Variants in SLC30A8 observed in about 807,000 individuals in gnomAD.
SLC30A8 encodes the protein proton-coupled zinc antiporter SLC30A8.
Under a neutral mutation model 36.9 loss-of-function variants are expected in SLC30A8, and 27 were observed. That is an observed-to-expected ratio of 0.73 (90% CI 0.54 to 1.01). SLC30A8 has a LOEUF of 1.01. SLC30A8 is among the 50% of genes least tolerant of loss of function. The probability of loss-of-function intolerance (pLI) is 0.00; values close to 1 mark genes in which losing one functional copy is unlikely to be tolerated. For missense variants in SLC30A8, 439 were observed against 452.0 expected, an observed-to-expected ratio of 0.97 and a Z score of 0.26; for synonymous variants, 164 against 172.4, an observed-to-expected ratio of 0.95 and a Z score of 0.38.
intron 6 of SLC30A8, among the ~76,000 whole-genome samples, chr8:117,164,548 T>C (rs1188950154): frequency 2.0e-5 from 3 of 152,182 alleles, no homozygotes; most frequent in African/African-American, 7.2e-5. Context: ...TACTGCAGCC[T>C]GGGTGACAGA....
At chr8:117,104,550 G>A (rs13254783) in intron 2 of SLC30A8, among the ~76,000 whole-genome samples, 23,626 of 152,030 alleles carry the variant, frequency 0.16, 1,957 homozygotes, top group East Asian at 0.21. Context: ...TTTCCCTACA[G>A]TCCTCCTTCT....
intron 1 of SLC30A8, among the ~76,000 whole-genome samples, chr8:116,981,776 C>T (rs1340000022): frequency 6.6e-6 from 1 of 152,142 alleles, no homozygotes; most frequent in Non-Finnish European, 1.5e-5. Flanking sequence ...TGTAGTATTC[C>T]ATGGTGTGTA....
chr8:117,051,754 A>G (rs568075194), intron 2 of SLC30A8, among the ~76,000 whole-genome samples: 3 of 152,124 alleles, frequency 2.0e-5, no homozygotes, highest in Admixed American at 6.5e-5. Flanking sequence ...CGGAGCTTGC[A>G]GTGAGCCTAG....
chr8:117,048,254 T>C (rs1278911853), intron 2 of SLC30A8, among the ~76,000 whole-genome samples: 1 of 152,166 alleles, frequency 6.6e-6, no homozygotes, highest in East Asian at 1.9e-4. Flanking sequence ...TCATATGGCA[T>C]GTGTTCAGTG....
At chr8:117,109,574 T>C (rs146841672) in intron 2 of SLC30A8, among the ~76,000 whole-genome samples, 1 of 149,850 alleles carries the variant, frequency 6.7e-6, no homozygotes, top group African/African-American at 2.5e-5. Flanking sequence ...TCAGATTTTA[T>C]AAATTCCTAA....
chr8:117,100,011 C>T (rs1156899779), intron 2 of SLC30A8, among the ~76,000 whole-genome samples: 1 of 151,960 alleles, frequency 6.6e-6, no homozygotes, highest in Non-Finnish European at 1.5e-5. Flanking sequence ...AAGAGGTGAG[C>T]CAGATAGTCT....
chr8:117,019,730 G>T (rs1816642299), intron 1 of SLC30A8, among the ~76,000 whole-genome samples: 1 of 152,176 alleles, frequency 6.6e-6, no homozygotes, highest in African/African-American at 2.4e-5. Flanking sequence ...TCTATGAAAT[G>T]GGCTCTTGGG....
At chr8:117,015,445 A>T (rs1393766290) in intron 1 of SLC30A8, among the ~76,000 whole-genome samples, 1 of 152,052 alleles carries the variant, frequency 6.6e-6, no homozygotes, top group African/African-American at 2.4e-5. Context: ...GTGGAAAAAA[A>T]TATCTGGTTC....
At chr8:117,168,603 G>A (rs188651028) in intron 6 of SLC30A8, among the ~76,000 whole-genome samples, 1 of 152,168 alleles carries the variant, frequency 6.6e-6, no homozygotes, top group Admixed American at 6.6e-5. Context: ...AATAAGTCAT[G>A]GTGGACCTAT....
intron 2 of SLC30A8, among the ~76,000 whole-genome samples, chr8:117,045,611 C>G: frequency 6.6e-6 from 1 of 152,122 alleles, no homozygotes; most frequent in Non-Finnish European, 1.5e-5. Context: ...CACGGGCTCC[C>G]ACTCCCATAT....
At chr8:117,108,315 T>C (rs1243849118) in intron 2 of SLC30A8, among the ~76,000 whole-genome samples, 1 of 152,172 alleles carries the variant, frequency 6.6e-6, no homozygotes, top group African/African-American at 2.4e-5. Flanking sequence ...CAAATGCCCC[T>C]ACATGACAAG....
chr8:117,064,905 G>A (rs1241254936), intron 2 of SLC30A8, among the ~76,000 whole-genome samples: 2 of 152,172 alleles, frequency 1.3e-5, no homozygotes, highest in Non-Finnish European at 2.9e-5. Flanking sequence ...GTTGGACTAA[G>A]TTTAATAGAT....
At chr8:117,150,848 G>A (rs190708059) in intron 2 of SLC30A8, among the ~76,000 whole-genome samples, 25 of 152,006 alleles carry the variant, frequency 1.6e-4, no homozygotes, top group Admixed American at 1.0e-3. Flanking sequence ...CTCGTGATCC[G>A]CCCGCCTCTG....
chr8:117,037,915 T>A (rs1817266616), intron 1 of SLC30A8, among the ~76,000 whole-genome samples: 1 of 152,162 alleles, frequency 6.6e-6, no homozygotes, highest in African/African-American at 2.4e-5. Context: ...TTAAATAGAA[T>A]AAAACCAAAG....
intron 2 of SLC30A8, among the ~76,000 whole-genome samples, chr8:117,122,560 T>C (rs994298842): frequency 6.6e-6 from 1 of 152,030 alleles, no homozygotes; most frequent in African/African-American, 2.4e-5. Context: ...TTCCAAGAGC[T>C]GGGCTTACCA....
At chr8:116,969,088 G>T (rs1427944020) in intron 1 of SLC30A8, among the ~76,000 whole-genome samples, 1 of 152,158 alleles carries the variant, frequency 6.6e-6, no homozygotes, top group East Asian at 1.9e-4. Flanking sequence ...GGACTTTTGA[G>T]CCTGGGTTTG....
chr8:117,115,978 C>A (rs192922004), intron 2 of SLC30A8, among the ~76,000 whole-genome samples: 2 of 152,028 alleles, frequency 1.3e-5, no homozygotes, highest in African/African-American at 4.8e-5. Context: ...GTTGGTTGTG[C>A]GTTTATATTA....
At chr8:117,009,341 G>T (rs1816271922) in intron 1 of SLC30A8, among the ~76,000 whole-genome samples, 1 of 152,064 alleles carries the variant, frequency 6.6e-6, no homozygotes, top group Admixed American at 6.6e-5. Flanking sequence ...ATTTCATATT[G>T]AAAAAACTGA....
chr8:117,000,637 A>T (rs183009474), intron 1 of SLC30A8, among the ~76,000 whole-genome samples: 1 of 152,216 alleles, frequency 6.6e-6, no homozygotes, highest in Non-Finnish European at 1.5e-5. Context: ...TAAGACAGAA[A>T]AAAAAGAAAA....
Sources: allele counts gnomAD v4.1 joint callset (sites outside exome capture counted in the v4.1 genomes callset), GRCh38; gene constraint gnomAD v4.1.1; transcripts MANE v1.5; gene names NCBI Gene and HGNC (gene_info 2026-07-23, HGNC 2026-07-21).